The following TPCN1 variants were observed in gnomAD, a reference collection of about 807,000 sequenced individuals.
TPCN1 encodes the protein two pore channel protein 1.
TPCN1 carries 52 observed loss-of-function variants against 108.8 expected under a neutral mutation model. The observed-to-expected ratio is 0.48, with a 90% CI of 0.38 to 0.60. TPCN1 has a LOEUF of 0.60. Among genes scored for constraint, TPCN1 ranks in the 20% least tolerant of loss-of-function variants. The probability of loss-of-function intolerance (pLI) is 0.00; values close to 1 mark genes in which losing one functional copy is unlikely to be tolerated. For synonymous variants in TPCN1, 446 were observed against 433.7 expected, an observed-to-expected ratio of 1.03 and a Z score of -0.35; for missense variants, 806 against 1,072.8, an observed-to-expected ratio of 0.75 and a Z score of 3.47.
chr12:113,228,519 G>A (rs1953557037), intron 2 of TPCN1, among the ~76,000 whole-genome samples: 1 of 152,214 alleles, frequency 6.6e-6, no homozygotes, highest in Admixed American at 6.5e-5. Context: ...GGAGGCTGAG[G>A]TGGGAGGATT....
chr12:113,278,788 A>C lies in TPCN1; in HGVS notation c.1250A>C (p.Glu417Ala), dbSNP rs760626701. The C allele has an allele frequency of 3.1e-6, 5 of 1,613,996 alleles. No individual in the cohort carries two copies. The highest frequency in any genetic ancestry group is 4.2e-6 in the Non-Finnish European group (5 of 1,179,920). The change falls in exon 14 of 28, where the codon GAG becomes GCG. Residue 417 changes from glutamate (E) to alanine (A), a missense_variant. Glu to Ala is a moderately radical substitution (Grantham distance 107). Coordinates refer to ENST00000335509, the MANE Select transcript of TPCN1 (RefSeq NM_017901.6). ...ALKWKAKKNR[E>A]HWFDELPRTA... ...GTCTACCAGGCCAAGAAAAACAGAG[A>C]GCACTGGTTTGATGAGCTTCCCAGG...
chr12:113,252,950 C>G (rs2136538212), intron 2 of TPCN1, among the ~76,000 whole-genome samples: 2 of 152,318 alleles, frequency 1.3e-5, no homozygotes, highest in East Asian at 3.9e-4. Context: ...CTCCTACTTG[C>G]AACTCCACTG....
intron 2 of TPCN1, among the ~76,000 whole-genome samples, chr12:113,249,233 G>A (rs185794857): frequency 9.3e-4 from 141 of 152,264 alleles, no homozygotes; most frequent in African/African-American, 3.1e-3. Context: ...TGCGAGAACC[G>A]GCCACGTGTT....
intron 2 of TPCN1, among the ~76,000 whole-genome samples, chr12:113,238,744 C>G (rs1414290932): frequency 6.6e-6 from 1 of 152,184 alleles, no homozygotes; most frequent in Non-Finnish European, 1.5e-5. Context: ...CTCCCCAGCA[C>G]CGGGATGTGA....
rs778875982 is a variant in TPCN1 at position 113,277,043 on chromosome 12, C to T, written c.1059+8C>T. ...CTGCTCATCAGCCAGAGGGTAGGAA[C>T]TATGGGCCAGGGAGGGGCTTGGTCC... On this transcript the variant is annotated splice_region_variant and intron_variant, in intron 11 of 27. Coordinates refer to ENST00000335509, the MANE Select transcript of TPCN1 (RefSeq NM_017901.6). 4.3e-6 allele frequency: 7 copies of T among 1,612,052 alleles called. No individual in the cohort carries two copies. In the Admixed American group the frequency reaches 6.7e-5, roughly 15 times the overall value.
At chr12:113,295,443 T>TAA (rs61221998) in intron 27 of TPCN1, among the ~76,000 whole-genome samples, 14,773 of 91,760 alleles carry the variant, frequency 0.16, 1,260 homozygotes, top group African/African-American at 0.27. Flanking sequence ...CTCTGTCTCC[T>TAA]AAAAAAAAAA....
rs536306701 is a variant in TPCN1 at position 113,264,695 on chromosome 12, A to G, written c.238-1485A>G. On this transcript the variant is annotated intron_variant, in intron 3 of 27. Transcript: ENST00000335509. ...CTCTGTCTCAAAAAAAAAGAAAAAA[A>G]AAAGTTGTTACATAACATATAAATA... 2.6e-5 allele frequency among the ~76,000 whole-genome samples: 4 copies of G among 152,270 alleles called. No individual in the cohort carries two copies. In the South Asian group the frequency reaches 8.3e-4, roughly 32 times the overall value.
At chr12:113,279,384 TATATA>T (rs1236251602) in intron 14 of TPCN1, among the ~76,000 whole-genome samples, 47 of 40,702 alleles carry the variant, frequency 1.2e-3, no homozygotes, top group South Asian at 7.2e-3. Context: ...TATATATATA[TATATA>T]TATTTTTTTT....
intron 3 of TPCN1, among the ~76,000 whole-genome samples, chr12:113,261,711 G>A (rs1436962520): frequency 3.3e-5 from 5 of 152,130 alleles, no homozygotes; most frequent in African/African-American, 9.7e-5. Flanking sequence ...TTACAGGCAT[G>A]AGCCACCACA....
chr12:113,234,668 G>C (rs912628089), intron 2 of TPCN1, among the ~76,000 whole-genome samples: 1 of 152,156 alleles, frequency 6.6e-6, no homozygotes, highest in African/African-American at 2.4e-5. Flanking sequence ...GCTCAGAGGA[G>C]GTACAAGATT....
At chr12:113,262,608 T>C (rs1044592827) in intron 3 of TPCN1, among the ~76,000 whole-genome samples, 9 of 152,202 alleles carry the variant, frequency 5.9e-5, no homozygotes, top group African/African-American at 2.2e-4. Flanking sequence ...GGACATCTTA[T>C]GCACATCACC....
At chr12:113,239,040 A>G (rs544122642) in intron 2 of TPCN1, among the ~76,000 whole-genome samples, 63 of 152,302 alleles carry the variant, frequency 4.1e-4, no homozygotes, top group Non-Finnish European at 3.8e-4. Context: ...AGGCTGAGGC[A>G]TGAGGATTGC....
At position 113,273,629 on chromosome 12, in the gene TPCN1, C is replaced by T. The variant is rs1238385116; in HGVS notation, c.903C>T (p.Ile301=). The T allele has an allele frequency of 3.7e-6, 6 of 1,614,180 alleles. No individual in the cohort carries two copies. Among genetic ancestry groups the T allele is most frequent in the Middle Eastern group, 1.6e-4 (1 of 6,062 alleles). Residue 301 remains isoleucine (I), a synonymous_variant, in exon 10 of 28, where the codon ATC becomes ATT. Transcript: ENST00000335509. This position sits in a 1 kb window ranked among gnomAD's most constrained non-coding sequence, Gnocchi z 4.0. ...ACCCCTGGTCCTGCGTCTTCTTCATCGTGTACCTCTCCATCGAGCTGTATT... is the reference window on the plus strand; with the variant it reads ...ACCCCTGGTCCTGCGTCTTCTTCATTGTGTACCTCTCCATCGAGCTGTATT... ...SRNPWSCVFF[I]VYLSIELYFI...
At position 113,284,832 on chromosome 12, in the gene TPCN1, A is replaced by G; in HGVS notation, c.1453+61A>G. ...TTTAAAATTGTCTGGGAGAACTTTC[A>G]TTCAGTGTAGAACCTCATGGTTCTT... On this transcript the variant is annotated intron_variant, in intron 17 of 27. Transcript: ENST00000335509. This position sits in a 1 kb window ranked among gnomAD's most constrained non-coding sequence, Gnocchi z 4.1. 1 of 1,565,570 alleles carries G rather than the reference A, an allele frequency of 6.4e-7. No homozygotes were observed. The highest frequency in any genetic ancestry group is 8.8e-7 in the Non-Finnish European group (1 of 1,135,790).
chr12:113,279,147 T>C (rs1281902904), intron 14 of TPCN1, among the ~76,000 whole-genome samples: 1 of 151,586 alleles, frequency 6.6e-6, no homozygotes, highest in Non-Finnish European at 1.5e-5. Flanking sequence ...GTGAGATAAT[T>C]AGAAGTAAAT....
At chr12:113,280,682 G>T (rs2136695217) in intron 15 of TPCN1, among the ~76,000 whole-genome samples, 1 of 152,356 alleles carries the variant, frequency 6.6e-6, no homozygotes, top group South Asian at 2.1e-4. Flanking sequence ...CACATTTCAA[G>T]TGATTAATAG....
intron 2 of TPCN1, among the ~76,000 whole-genome samples, chr12:113,235,350 C>T (rs1029249153): frequency 3.3e-5 from 5 of 152,158 alleles, no homozygotes; most frequent in East Asian, 1.9e-4. Flanking sequence ...CTACATTCTC[C>T]GTTCTTATCT....
At position 113,244,357 on chromosome 12, in the gene TPCN1, T is replaced by C. The variant is rs927592991; in HGVS notation, c.113-16011T>C. The C allele has an allele frequency of 4.1e-6, 4 of 985,518 alleles. No individual in the cohort carries two copies. In the African/African-American group the frequency reaches 7.0e-5, roughly 17 times the overall value. 61.0% of individuals were successfully genotyped at this position (985,518 alleles called of 1,614,324 possible). A position where few individuals can be genotyped will look rare whatever the true frequency, so the allele number is the denominator to read the frequency against. On this transcript the variant is annotated intron_variant, in intron 2 of 27. Coordinates refer to ENST00000335509, the MANE Select transcript of TPCN1 (RefSeq NM_017901.6). ...GGCTCTGTGCCAGTTCTTGCCTTTCTGAAGGTTGGTACATTTGCCCAGGGC... is the reference window on the plus strand; with the variant it reads ...GGCTCTGTGCCAGTTCTTGCCTTTCCGAAGGTTGGTACATTTGCCCAGGGC...
In TPCN1 at chr12:113,288,659, G is replaced by A; in HGVS notation, c.1707-99G>A. 2 of 1,562,732 alleles carry A rather than the reference G, an allele frequency of 1.3e-6. No homozygotes were observed. Among genetic ancestry groups the A allele is most frequent in the Non-Finnish European group, 1.7e-6 (2 of 1,158,242 alleles). On this transcript the variant is annotated intron_variant, in intron 20 of 27. Coordinates refer to ENST00000335509, the MANE Select transcript of TPCN1 (RefSeq NM_017901.6). This position sits in a 1 kb window ranked among gnomAD's most constrained non-coding sequence, Gnocchi z 4.8. The stretch of plus-strand genomic sequence containing the variant: ...CAGTTGGTGAACCGACCAGGGGCAT[G>A]GCCCTGCAGTCAGCCCCACGGGTCC...
Sources: gnomAD v4.1 joint callset for allele counts (sites outside exome capture counted in the v4.1 genomes callset) on GRCh38, gnomAD v4.1.1 for gene constraint, Gnocchi (gnomAD v3.1) non-coding constraint, MANE v1.5 for transcripts, NCBI Gene and HGNC (gene_info 2026-07-23, HGNC 2026-07-21) for gene names.